The following CCNK variants were observed in gnomAD, a reference collection of about 807,000 sequenced individuals.
The protein encoded by CCNK is cyclin-K.
A neutral mutation model predicts 65.0 loss-of-function variants in CCNK; 9 were observed. The observed-to-expected ratio is 0.14, with a 90% CI of 0.08 to 0.24. CCNK has a LOEUF of 0.24. CCNK is among the 10% of genes least tolerant of loss of function. The pLI, the probability that CCNK is intolerant of heterozygous loss-of-function variation, is 1.00. For synonymous variants in CCNK, 279 were observed against 270.8 expected, an observed-to-expected ratio of 1.03 and a Z score of -0.30; for missense variants, 474 against 720.0, an observed-to-expected ratio of 0.66 and a Z score of 3.91.
At chr14:99,503,923 T>G (rs936990417) in intron 9 of CCNK, 4 of 444,116 alleles carry the variant, frequency 9.0e-6, no homozygotes, top group Non-Finnish European at 1.6e-5. Context: ...AGGAGAACTG[T>G]TGCTGCAATT....
At chr14:99,499,376 A>G (rs1896770589) in intron 4 of CCNK, among the ~76,000 whole-genome samples, 1 of 152,214 alleles carries the variant, frequency 6.6e-6, no homozygotes, top group African/African-American at 2.4e-5. Context: ...CTAAGATTTT[A>G]AAAAACTTTC....
chr14:99,500,906 C>G lies in CCNK; in HGVS notation c.517+35C>G, dbSNP rs560030876. 6.3e-6 allele frequency: 8 copies of G among 1,272,280 alleles called. No homozygotes were observed. The South Asian group carries it at 6.8e-5, about 11-fold the overall frequency. 78.8% of individuals were successfully genotyped at this position (1,272,280 alleles called of 1,614,324 possible). ...AAGTTTTCAGAAGAATTTTTTCATT[C>G]TGAAATCAAGTCTTTATAATTTGAT... is the stretch of plus-strand genomic sequence containing the variant. On this transcript the variant is annotated intron_variant, in intron 5 of 10. Coordinates refer to ENST00000389879, the MANE Select transcript of CCNK (RefSeq NM_001099402.2).
intron 1 of CCNK, among the ~76,000 whole-genome samples, chr14:99,482,887 G>A (rs996040460): frequency 2.0e-5 from 3 of 152,160 alleles, no homozygotes; most frequent in African/African-American, 7.2e-5. Flanking sequence ...AGGGAGGACA[G>A]TGTTTTCTGC....
intron 1 of CCNK, among the ~76,000 whole-genome samples, chr14:99,488,658 C>T (rs1013994343): frequency 6.6e-6 from 1 of 152,170 alleles, no homozygotes; most frequent in African/African-American, 2.4e-5. Flanking sequence ...CAAGTGTGAT[C>T]ATTTTGTTAA....
chr14:99,487,508 C>T (rs1299007208), intron 1 of CCNK, among the ~76,000 whole-genome samples: 1 of 152,202 alleles, frequency 6.6e-6, no homozygotes, highest in Non-Finnish European at 1.5e-5. Context: ...AAAACCACTG[C>T]TCTGCGGCAG....
intron 10 of CCNK, 100 bp downstream of exon 10, chr14:99,507,247 G>A: frequency 2.5e-6 from 2 of 787,018 alleles, no homozygotes; most frequent in South Asian, 2.7e-5. Context: ...CTGGGGCCCA[G>A]ATTGACAATG....
At chr14:99,506,098 G>C (rs1215087197) in intron 9 of CCNK, 2 of 152,498 alleles carry the variant, frequency 1.3e-5, no homozygotes, top group Admixed American at 6.5e-5. Context: ...CAAGATGGAC[G>C]CTAGAAATGT....
intron 7 of CCNK, 81 bp from the exon 8 acceptor site, chr14:99,502,638 A>G: frequency 7.3e-7 from 1 of 1,368,522 alleles, no homozygotes; most frequent in Non-Finnish European, 1.0e-6. Flanking sequence ...TCGTAGGGGT[A>G]TCATAACTGA....
At chr14:99,503,283 G>A (rs1348375876) in intron 8 of CCNK, 4 of 620,574 alleles carry the variant, frequency 6.4e-6, no homozygotes, top group African/African-American at 5.5e-5. Context: ...GTGTCGTTGT[G>A]CATGCTGCTT....
intron 1 of CCNK, among the ~76,000 whole-genome samples, chr14:99,484,113 G>T (rs1896424128): frequency 6.6e-6 from 1 of 152,244 alleles, no homozygotes; most frequent in South Asian, 2.1e-4. Context: ...TGACAAAAGT[G>T]GTTCTAGGAT....
At chr14:99,503,225 C>A (rs1896884647) in intron 8 of CCNK, 2 of 675,236 alleles carry the variant, frequency 3.0e-6, no homozygotes, top group Non-Finnish European at 5.4e-6. Flanking sequence ...CCTGTTTCAT[C>A]CCTGCCAGGG....
At chr14:99,482,412 A>G (rs1433894734) in intron 1 of CCNK, among the ~76,000 whole-genome samples, 1 of 152,204 alleles carries the variant, frequency 6.6e-6, no homozygotes, top group East Asian at 1.9e-4. Flanking sequence ...GACGTTTAAT[A>G]AGCCCTCTGT....
intron 4 of CCNK, 46 bp from the exon 5 acceptor site, chr14:99,500,720 A>G: frequency 8.3e-7 from 1 of 1,202,498 alleles, no homozygotes; most frequent in Non-Finnish European, 1.2e-6. Flanking sequence ...GCTGCTTGAG[A>G]CCTGCAATTG....
At chr14:99,495,715 C>A in intron 4 of CCNK, 86 bp downstream of exon 4, 1 of 1,226,532 alleles carries the variant, frequency 8.2e-7, no homozygotes, top group Non-Finnish European at 1.1e-6. Flanking sequence ...GTGCCTGTAG[C>A]CCTTGTGTCT....
At chr14:99,487,102 A>C (rs1896505118) in intron 1 of CCNK, among the ~76,000 whole-genome samples, 2 of 152,228 alleles carry the variant, frequency 1.3e-5, no homozygotes, top group South Asian at 2.1e-4. Flanking sequence ...CCCAACTGTG[A>C]ATAAATTGCT....
At chr14:99,490,204 G>A (rs556832891) in intron 1 of CCNK, among the ~76,000 whole-genome samples, 4 of 152,260 alleles carry the variant, frequency 2.6e-5, no homozygotes, top group Admixed American at 6.5e-5. Flanking sequence ...GCTGGACCTC[G>A]TGACTTGCAT....
In CCNK at chr14:99,510,327, A is replaced by T; in HGVS notation, c.1288A>T (p.Thr430Ser). Residue 430 changes from threonine (T) to serine (S), a missense_variant, in exon 11 of 11, where the codon ACC (threonine) becomes TCC (serine). Transcript: ENST00000389879. Reference protein sequence around the residue: ...PPPPPPSSYMTGMSTTSSYMS... With the variant: ...PPPPPPSSYMSGMSTTSSYMS... ...GCCCCCACCCCCCTCCAGCTACATG[A>T]CCGGGATGTCCACCACCAGCTCCTA... 8.1e-7 allele frequency: 1 copy of T among 1,230,656 alleles called. No individual in the cohort carries two copies. Among genetic ancestry groups the T allele is most frequent in the Non-Finnish European group, 1.1e-6 (1 of 897,588 alleles). The allele number at this position is 1,230,656 out of a possible 1,614,324, so 76.2% of individuals were successfully genotyped here. A position where few individuals can be genotyped will look rare whatever the true frequency, so the allele number is the denominator to read the frequency against.
At chr14:99,503,066 G>A (rs777490086) in intron 8 of CCNK, 82 bp downstream of exon 8, 56 of 1,453,934 alleles carry the variant, frequency 3.9e-5, no homozygotes, top group African/African-American at 1.7e-4. Context: ...ATTTCTAAGC[G>A]AGCACAGGGA....
chr14:99,507,764 T>G (rs1180386644), intron 10 of CCNK: 1 of 153,366 alleles, frequency 6.5e-6, no homozygotes, highest in African/African-American at 2.4e-5. Flanking sequence ...CTACACCTGC[T>G]TCCTATTGGC....
Sources: gnomAD v4.1 joint callset for allele counts (sites outside exome capture counted in the v4.1 genomes callset) on GRCh38, gnomAD v4.1.1 for gene constraint, MANE v1.5 for transcripts, NCBI Gene and HGNC (gene_info 2026-07-23, HGNC 2026-07-21) for gene names.